The following MAPKAP1 variants were observed in gnomAD, a reference collection of about 807,000 sequenced individuals.
MAPKAP1 encodes MAPK associated protein 1.
MAPKAP1 carries 20 observed loss-of-function variants against 65.7 expected under a neutral mutation model. The ratio of observed to expected loss-of-function variants is 0.30; its 90% CI spans 0.21 to 0.44. The LOEUF (loss-of-function observed/expected upper bound fraction) is 0.44, where lower values mean the gene tolerates loss of function less well. Ranked by LOEUF, MAPKAP1 falls within the 20% of genes least tolerant of loss-of-function variation. The probability of loss-of-function intolerance (pLI) is 1.00; values close to 1 mark genes in which losing one functional copy is unlikely to be tolerated. For synonymous variants in MAPKAP1, 222 were observed against 244.3 expected, an observed-to-expected ratio of 0.91 and a Z score of 0.85; for missense variants, 423 against 648.0, an observed-to-expected ratio of 0.65 and a Z score of 3.77.
chr9:125,520,899 G>T (rs1321801464), intron 7 of MAPKAP1, among the ~76,000 whole-genome samples: 1 of 152,138 alleles, frequency 6.6e-6, no homozygotes, highest in East Asian at 1.9e-4. Flanking sequence ...CTGGACATTG[G>T]CTGGAGAATG....
chr9:125,682,380 C>T (rs1051738208), intron 1 of MAPKAP1, among the ~76,000 whole-genome samples: 3 of 152,158 alleles, frequency 2.0e-5, no homozygotes, highest in African/African-American at 7.2e-5. Flanking sequence ...AAGTTCTAAG[C>T]ACAAGTTAGA....
intron 10 of MAPKAP1, among the ~76,000 whole-genome samples, chr9:125,446,165 A>G (rs1171704006): frequency 6.6e-6 from 1 of 152,140 alleles, no homozygotes; most frequent in Admixed American, 6.5e-5. Flanking sequence ...TACAGTAGCT[A>G]ATTTTTCAGA....
At chr9:125,692,620 A>G (rs779848483) in intron 1 of MAPKAP1, among the ~76,000 whole-genome samples, 17 of 152,204 alleles carry the variant, frequency 1.1e-4, no homozygotes, top group Non-Finnish European at 2.1e-4. Context: ...TAAATTGTAC[A>G]TTTTAGAGGC....
chr9:125,707,191 C>A lies in MAPKAP1; in HGVS notation c.-290G>T. 1 of 397,832 alleles carries A rather than the reference C, an allele frequency of 2.5e-6. No individual in the cohort carries two copies. The highest frequency in any genetic ancestry group is 6.3e-4 in the Middle Eastern group (1 of 1,586). 24.6% of individuals were successfully genotyped at this position (397,832 alleles called of 1,614,324 possible). On this transcript the variant is annotated 5_prime_UTR_variant, in exon 1 of 12. Coordinates refer to ENST00000265960, the MANE Select transcript of MAPKAP1 (RefSeq NM_001006617.3). ...GGCCGGCCGAGCAGCAGCCCTATTA[C>A]CCCGAGCCGCACACGACCCGGAACC...
At chr9:125,700,153 C>T (rs1356390345) in intron 1 of MAPKAP1, among the ~76,000 whole-genome samples, 1 of 152,204 alleles carries the variant, frequency 6.6e-6, no homozygotes, top group East Asian at 1.9e-4. Flanking sequence ...AAATTCAAGT[C>T]TGCACTTCAG....
chr9:125,481,405 C>T (rs1854311782), intron 9 of MAPKAP1, among the ~76,000 whole-genome samples: 1 of 152,140 alleles, frequency 6.6e-6, no homozygotes, highest in South Asian at 2.1e-4. Context: ...GTCTTGACCA[C>T]AGTTGGGCTA....
At chr9:125,684,448 A>C (rs999722996) in intron 1 of MAPKAP1, among the ~76,000 whole-genome samples, 10 of 152,040 alleles carry the variant, frequency 6.6e-5, no homozygotes, top group Non-Finnish European at 1.3e-4. Flanking sequence ...AAGCTTGAAA[A>C]ACCCCACAAT....
intron 4 of MAPKAP1, among the ~76,000 whole-genome samples, chr9:125,625,796 A>AAAAC (rs960568468): frequency 8.5e-5 from 13 of 152,192 alleles, no homozygotes; most frequent in African/African-American, 2.4e-4. Context: ...CTCCATCTCA[A>AAAAC]AAACAAACAA....
chr9:125,652,070 T>C (rs926634314), intron 4 of MAPKAP1: 1 of 1,230,072 alleles, frequency 8.1e-7, no homozygotes, highest in Admixed American at 2.3e-5. Flanking sequence ...GAGGTGCCTT[T>C]TCCACTAAGG....
chr9:125,482,148 A>AAAGGAAG (rs1854343663), intron 9 of MAPKAP1, among the ~76,000 whole-genome samples: 1 of 116,982 alleles, frequency 8.5e-6, no homozygotes, highest in Non-Finnish European at 1.7e-5. Flanking sequence ...AAAAAAAAAA[A>AAAGGAAG]AAGAAGAAGA....
In MAPKAP1 at chr9:125,527,504, C is replaced by T. The variant is rs528920234; in HGVS notation, c.958+15555G>A. Among the ~76,000 whole-genome samples the T allele has an allele frequency of 5.9e-5, 9 of 152,170 alleles. No homozygotes were observed. In the South Asian group the frequency reaches 8.3e-4, roughly 14 times the overall value. On this transcript the variant is annotated intron_variant, in intron 7 of 11. Coordinates refer to ENST00000265960, the MANE Select transcript of MAPKAP1 (RefSeq NM_001006617.3). Reference sequence around the variant, plus strand: ...TGTGTGTGTGATTTCTGGCACTCACCGTCCTACTTTTTATTAACATTCCCA... The same window carrying T: ...TGTGTGTGTGATTTCTGGCACTCACTGTCCTACTTTTTATTAACATTCCCA...
chr9:125,553,191 G>A (rs1830634304), intron 6 of MAPKAP1, among the ~76,000 whole-genome samples: 1 of 152,082 alleles, frequency 6.6e-6, no homozygotes. Flanking sequence ...CTGCCTAGAG[G>A]AGAAATACCC....
At chr9:125,558,926 C>A (rs1354977096) in intron 6 of MAPKAP1, among the ~76,000 whole-genome samples, 1 of 152,222 alleles carries the variant, frequency 6.6e-6, no homozygotes, top group Non-Finnish European at 1.5e-5. Flanking sequence ...ATAGCTAACA[C>A]TACAGCACAT....
chr9:125,579,104 T>C (rs1021040730), intron 5 of MAPKAP1, among the ~76,000 whole-genome samples: 1 of 152,184 alleles, frequency 6.6e-6, no homozygotes, highest in Non-Finnish European at 1.5e-5. Context: ...TTCTCCCAAA[T>C]GTTTTCCCCC....
At chr9:125,562,363 G>A (rs1830916510) in intron 5 of MAPKAP1, among the ~76,000 whole-genome samples, 1 of 152,176 alleles carries the variant, frequency 6.6e-6, no homozygotes, top group South Asian at 2.1e-4. Context: ...CTGGGCTGTG[G>A]CCTGTCCTGA....
chr9:125,580,671 A>G (rs1305153135), intron 5 of MAPKAP1, among the ~76,000 whole-genome samples: 1 of 122,150 alleles, frequency 8.2e-6, no homozygotes, highest in Non-Finnish European at 1.8e-5. Context: ...GTACCCTAGA[A>G]CTTAAAAGTA....
intron 10 of MAPKAP1, among the ~76,000 whole-genome samples, chr9:125,455,093 T>C (rs1341795480): frequency 1.3e-5 from 2 of 152,106 alleles, no homozygotes; most frequent in East Asian, 1.9e-4. Flanking sequence ...GACATTTAAG[T>C]GCCTTGGCTT....
At chr9:125,673,998 T>G (rs1834571840) in intron 1 of MAPKAP1, among the ~76,000 whole-genome samples, 2 of 152,026 alleles carry the variant, frequency 1.3e-5, no homozygotes, top group Admixed American at 1.3e-4. Flanking sequence ...TTTGTTCTAG[T>G]AACAAGATAG....
chr9:125,527,267 C>T (rs1829800072), intron 7 of MAPKAP1, among the ~76,000 whole-genome samples: 1 of 152,012 alleles, frequency 6.6e-6, no homozygotes. Flanking sequence ...GGAGTTTCAC[C>T]ATCTTGGCCA....
Sources: allele counts gnomAD v4.1 joint callset (sites outside exome capture counted in the v4.1 genomes callset), GRCh38; gene constraint gnomAD v4.1.1; transcripts MANE v1.5; gene names NCBI Gene and HGNC (gene_info 2026-07-23, HGNC 2026-07-21).